KSR2: variants seen among roughly 807,000 people sequenced by gnomAD.
The protein encoded by KSR2 is kinase suppressor of ras 2.
A neutral mutation model predicts 107.8 loss-of-function variants in KSR2; 25 were observed. That is an observed-to-expected ratio of 0.23 (90% CI 0.17 to 0.32). The LOEUF (loss-of-function observed/expected upper bound fraction) is 0.32, where lower values mean the gene tolerates loss of function less well. KSR2 is among the 10% of genes least tolerant of loss of function. The pLI is 1.00. For missense variants in KSR2, 887 were observed against 1,268.9 expected (o/e 0.70, Z 4.57); for synonymous variants, 480 against 507.0 (o/e 0.95, Z 0.71).
chr12:117,755,528 G>A (rs949650351), intron 4 of KSR2, among the ~76,000 whole-genome samples: 1 of 152,096 alleles, frequency 6.6e-6, no homozygotes, highest in African/African-American at 2.4e-5. Flanking sequence ...GAAATAAATC[G>A]ATCAATGTTG....
chr12:117,674,607 T>C (rs1164163685), intron 4 of KSR2, among the ~76,000 whole-genome samples: 2 of 152,210 alleles, frequency 1.3e-5, no homozygotes, highest in Non-Finnish European at 2.9e-5. Context: ...CTACAAGATG[T>C]GGCCTTTTGT....
chr12:117,577,821 G>A (rs79492584), intron 7 of KSR2, among the ~76,000 whole-genome samples: 5,992 of 152,220 alleles, frequency 0.039, 286 homozygotes, highest in East Asian at 0.19. Flanking sequence ...AGTGGGAGCT[G>A]CAATTCAAGA....
At chr12:117,666,383 T>C (rs1255228663) in intron 5 of KSR2, among the ~76,000 whole-genome samples, 1 of 152,194 alleles carries the variant, frequency 6.6e-6, no homozygotes, top group African/African-American at 2.4e-5. Context: ...GGAAACCCCA[T>C]ATTTAGAGAA....
At chr12:117,567,398 G>A (rs1179299991) in intron 7 of KSR2, among the ~76,000 whole-genome samples, 1 of 152,104 alleles carries the variant, frequency 6.6e-6, no homozygotes, top group Non-Finnish European at 1.5e-5. Flanking sequence ...ATGAAGAGGG[G>A]AGAGATGCGA....
chr12:117,639,325 C>CATTATT (rs971331095), intron 5 of KSR2, among the ~76,000 whole-genome samples: 1 of 150,544 alleles, frequency 6.6e-6, no homozygotes, highest in Admixed American at 6.6e-5. Context: ...TTATTATCAT[C>CATTATT]ATTATTATTA....
intron 16 of KSR2, among the ~76,000 whole-genome samples, chr12:117,477,008 T>TAGA (rs1382396234): frequency 1.3e-5 from 2 of 152,212 alleles, no homozygotes; most frequent in Non-Finnish European, 2.9e-5. Flanking sequence ...AAAAACAACT[T>TAGA]ATCTAACAGA....
At chr12:117,935,271 A>C (rs1895806627) in intron 1 of KSR2, among the ~76,000 whole-genome samples, 1 of 152,060 alleles carries the variant, frequency 6.6e-6, no homozygotes, top group South Asian at 2.1e-4. Flanking sequence ...AGTAGCTGGA[A>C]TCATAGGCAT....
At chr12:117,800,741 C>T (rs1890803987) in intron 3 of KSR2, among the ~76,000 whole-genome samples, 1 of 151,976 alleles carries the variant, frequency 6.6e-6, no homozygotes, top group Non-Finnish European at 1.5e-5. Context: ...CTAATGCTCT[C>T]CCTCCCCTTT....
intron 5 of KSR2, among the ~76,000 whole-genome samples, chr12:117,641,076 G>C (rs1883333989): frequency 6.6e-6 from 1 of 152,096 alleles, no homozygotes; most frequent in Non-Finnish European, 1.5e-5. Flanking sequence ...TCACAGTTTT[G>C]AAAGCTGTAA....
intron 5 of KSR2, among the ~76,000 whole-genome samples, chr12:117,646,830 C>G (rs1883670536): frequency 6.6e-6 from 1 of 152,270 alleles, no homozygotes; most frequent in South Asian, 2.1e-4. Context: ...CTCCCTCCCG[C>G]AGTCCCCCAG....
At chr12:117,868,090 A>G (rs971742670) in intron 1 of KSR2, among the ~76,000 whole-genome samples, 5 of 152,230 alleles carry the variant, frequency 3.3e-5, no homozygotes, top group African/African-American at 1.2e-4. Context: ...TAAAGGGTTA[A>G]GGTGTCCTTG....
In KSR2 at chr12:117,929,397, C is replaced by T. The variant is rs140759524; in HGVS notation, c.180+38679G>A. On this transcript the variant is annotated intron_variant, in intron 1 of 19. Transcript: ENST00000339824. ...TTTATAAGGGGAAACTCCTTTCTTTCGGCTCTTATTCTTCTCTTGTCTGCA... is the reference window on the plus strand; with the variant it reads ...TTTATAAGGGGAAACTCCTTTCTTTTGGCTCTTATTCTTCTCTTGTCTGCA... Among the ~76,000 whole-genome samples, 218 of 152,280 alleles carry T rather than the reference C, an allele frequency of 1.4e-3. 1 individual carries two copies. The highest frequency in any genetic ancestry group is 5.0e-3 in the African/African-American group (208 of 41,560).
chr12:117,767,410 C>A (rs548579780), intron 3 of KSR2, among the ~76,000 whole-genome samples: 1 of 150,268 alleles, frequency 6.7e-6, no homozygotes, highest in African/African-American at 2.4e-5. Flanking sequence ...GCACTCCAGC[C>A]TGGGCGACAG....
At chr12:117,494,110 G>T (rs1472222218) in intron 14 of KSR2, among the ~76,000 whole-genome samples, 3 of 152,196 alleles carry the variant, frequency 2.0e-5, no homozygotes, top group Non-Finnish European at 4.4e-5. Context: ...ATGAATGGAT[G>T]CAGTGCCTTA....
Position 117,775,453 on chromosome 12 carries a change from C to G in KSR2, c.473-13929G>C, listed in dbSNP as rs759466221. Among the ~76,000 whole-genome samples the G allele has an allele frequency of 1.5e-3, 227 of 152,254 alleles. 5 individuals are homozygous for G. The highest frequency in any genetic ancestry group is 3.2e-3 in the Middle Eastern group (1 of 316). ...GCTGGGCTTTTGCAGCATCTCCTCT[C>G]ATTCTCACACCTTATTTCATTTAAT... is the stretch of plus-strand genomic sequence containing the variant. On this transcript the variant is annotated intron_variant, in intron 3 of 19. Transcript: ENST00000339824.
intron 5 of KSR2, among the ~76,000 whole-genome samples, chr12:117,632,346 T>C (rs890334919): frequency 4.1e-5 from 6 of 146,212 alleles, no homozygotes; most frequent in African/African-American, 1.5e-4. Flanking sequence ...TGCCTCAGCC[T>C]CCCAAGCAGC....
At chr12:117,715,771 A>C (rs565513969) in intron 4 of KSR2, among the ~76,000 whole-genome samples, 1 of 152,160 alleles carries the variant, frequency 6.6e-6, no homozygotes, top group East Asian at 1.9e-4. Flanking sequence ...CTACCCATCC[A>C]CCCATCCATC....
chr12:117,848,834 A>AACAACGGTGATGGTG (rs1555249461), intron 3 of KSR2, among the ~76,000 whole-genome samples: 1 of 133,724 alleles, frequency 7.5e-6, no homozygotes, highest in Non-Finnish European at 1.7e-5. Context: ...TGATGGTGGT[A>AACAACGGTGATGGTG]GTGGTGGTGA....
intron 5 of KSR2, among the ~76,000 whole-genome samples, chr12:117,608,961 T>C (rs17510713): frequency 0.09 from 13,701 of 152,126 alleles, 681 homozygotes; most frequent in Middle Eastern, 0.14. Context: ...TGTCCACAGC[T>C]AGGGAGTCTC....
Sources: gnomAD v4.1 joint callset for allele counts (sites outside exome capture counted in the v4.1 genomes callset) on GRCh38, gnomAD v4.1.1 for gene constraint, MANE v1.5 for transcripts, NCBI Gene and HGNC (gene_info 2026-07-23, HGNC 2026-07-21) for gene names.